The following C16orf46 variants were observed in gnomAD, a reference collection of about 807,000 sequenced individuals.
C16orf46 encodes uncharacterized protein C16orf46.
In C16orf46, 7 loss-of-function variants were observed where a neutral mutation model predicts 5.5. That is an observed-to-expected ratio of 1.28 (90% CI 0.73 to 2.40). The LOEUF is 2.40. Ranked by LOEUF, C16orf46 falls within the 30% of genes most tolerant of loss-of-function variation. The probability of loss-of-function intolerance (pLI) is 0.00; values close to 1 mark genes in which losing one functional copy is unlikely to be tolerated. For missense variants in C16orf46, 614 were observed against 476.0 expected (o/e 1.29, Z -2.70); for synonymous variants, 200 against 184.1 (o/e 1.09, Z -0.70).
At chr16:81,062,768 G>A (rs551015867) in intron 3 of C16orf46, among the ~76,000 whole-genome samples, 1 of 151,702 alleles carries the variant, frequency 6.6e-6, no homozygotes, top group East Asian at 1.9e-4. Context: ...AGGGTTGCCA[G>A]TAAAAATATA....
Position 81,061,521 on chromosome 16 carries a change from G to T in C16orf46, c.828C>A (p.Asn276Lys). ...CTGGGGAAGGGGAGGATGGCGTGTC[G>T]TTGACCATAGGGTGTTTGGCCAGCT... The part of the protein sequence containing the change: ...ASELAKHPMV[N>K]DTPSSPSPAA... Residue 276 changes from asparagine to lysine, a missense_variant, in exon 4 of 4, where the codon AAC becomes AAA. Transcript: ENST00000299578. The T allele has an allele frequency of 6.2e-7, 1 of 1,614,174 alleles. No individual in the cohort carries two copies. The highest frequency in any genetic ancestry group is 8.5e-7 in the Non-Finnish European group (1 of 1,180,036).
At chr16:81,055,021 T>C (rs1971255143) in intron 3 of C16orf46, among the ~76,000 whole-genome samples, 1 of 152,210 alleles carries the variant, frequency 6.6e-6, no homozygotes, top group Non-Finnish European at 1.5e-5. Context: ...GTAAGAACTC[T>C]TCAGAGTTAA....
intron 1 of C16orf46, among the ~76,000 whole-genome samples, chr16:81,070,588 C>T (rs1014213052): frequency 3.9e-5 from 6 of 152,034 alleles, no homozygotes; most frequent in Admixed American, 2.0e-4. Context: ...AACAATTAAC[C>T]GTCTATATGC....
At chr16:81,058,082 G>A (rs1371436926), downstream of C16orf46, 1 of 157,058 alleles carries the variant, frequency 6.4e-6, no homozygotes, top group Non-Finnish European at 1.4e-5. Context: ...AGAAATAACT[G>A]TTCACTATTT....
At chr16:81,058,879 G>C (rs1393621891), downstream of C16orf46, among the ~76,000 whole-genome samples, 2 of 152,148 alleles carry the variant, frequency 1.3e-5, no homozygotes, top group Non-Finnish European at 2.9e-5. Flanking sequence ...TCCCCGACCT[G>C]TGAAATATAG....
chr16:81,064,315 G>A (rs1971583337), intron 2 of C16orf46, among the ~76,000 whole-genome samples: 1 of 149,430 alleles, frequency 6.7e-6, no homozygotes, highest in Admixed American at 6.7e-5. Context: ...AGTGAGCTGA[G>A]ATTGGCCACT....
chr16:81,064,598 T>G (rs1179510353), intron 2 of C16orf46, among the ~76,000 whole-genome samples: 1 of 151,272 alleles, frequency 6.6e-6, no homozygotes, highest in Non-Finnish European at 1.5e-5. Context: ...AAATACAAAA[T>G]TAGCTGGGTG....
downstream of C16orf46, among the ~76,000 whole-genome samples, chr16:81,059,040 A>G (rs2151747090): frequency 6.6e-6 from 1 of 152,262 alleles, no homozygotes; most frequent in South Asian, 2.1e-4. Context: ...ATGTCTGGGA[A>G]GAGGACTTGG....
chr16:81,076,024 C>A (rs960234954), intron 1 of C16orf46, among the ~76,000 whole-genome samples: 4 of 152,158 alleles, frequency 2.6e-5, no homozygotes, highest in African/African-American at 9.7e-5. Context: ...AAATTCCAAC[C>A]AGGGAAAGAT....
chr16:81,056,661 A>C (rs1971304427), downstream of C16orf46, among the ~76,000 whole-genome samples: 1 of 145,800 alleles, frequency 6.9e-6, no homozygotes, highest in Admixed American at 7.0e-5. Flanking sequence ...GCGCCACAGC[A>C]CTCCAGCCTG....
At chr16:81,058,602 T>G (rs1037444828), downstream of C16orf46, among the ~76,000 whole-genome samples, 1 of 152,212 alleles carries the variant, frequency 6.6e-6, no homozygotes, top group African/African-American at 2.4e-5. Flanking sequence ...TCATCAAATA[T>G]CCAAATGCCA....
chr16:81,055,619 TGCAG>T (rs1770489395), intron 3 of C16orf46, among the ~76,000 whole-genome samples: 1 of 152,152 alleles, frequency 6.6e-6, no homozygotes, highest in African/African-American at 2.4e-5. Context: ...GCTTAAACCC[TGCAG>T]GCTAAGGCTG....
At chr16:81,062,176 G>C (rs573382071) in intron 3 of C16orf46, 38 bp from the exon 4 acceptor site, 2 of 1,509,614 alleles carry the variant, frequency 1.3e-6, no homozygotes, top group African/African-American at 2.8e-5. Flanking sequence ...CCAGCTGAGG[G>C]GCCCAAACTG....
At chr16:81,069,189 A>G (rs2151755423) in intron 1 of C16orf46, among the ~76,000 whole-genome samples, 1 of 152,266 alleles carries the variant, frequency 6.6e-6, no homozygotes, top group Middle Eastern at 3.4e-3. Flanking sequence ...TGCAGTGGGT[A>G]CACTTGAATT....
intron 1 of C16orf46, among the ~76,000 whole-genome samples, chr16:81,074,318 T>A (rs186067603): frequency 6.6e-6 from 1 of 152,354 alleles, no homozygotes; most frequent in East Asian, 1.9e-4. Flanking sequence ...TGACTCCTTT[T>A]GATCTGAAAT....
intron 1 of C16orf46, among the ~76,000 whole-genome samples, chr16:81,075,554 C>A (rs1267707724): frequency 6.6e-6 from 1 of 152,214 alleles, no homozygotes; most frequent in East Asian, 1.9e-4. Flanking sequence ...TGCACCACTA[C>A]ACTCCAACCT....
chr16:81,069,447 G>C (rs1281077766), intron 1 of C16orf46, among the ~76,000 whole-genome samples: 1 of 152,232 alleles, frequency 6.6e-6, no homozygotes, highest in Non-Finnish European at 1.5e-5. Context: ...TGCAGAGTGT[G>C]ATGGCAAACA....
chr16:81,070,919 G>A (rs1378101880), intron 1 of C16orf46, among the ~76,000 whole-genome samples: 1 of 152,004 alleles, frequency 6.6e-6, no homozygotes, highest in African/African-American at 2.4e-5. Flanking sequence ...TCAGCCTTTG[G>A]GGTCAGCCCA....
At chr16:81,057,103 C>T (rs1383470154), downstream of C16orf46, among the ~76,000 whole-genome samples, 1 of 152,008 alleles carries the variant, frequency 6.6e-6, no homozygotes, top group Non-Finnish European at 1.5e-5. Flanking sequence ...ACATACAGGC[C>T]CATCACAAAG....
Sources: allele counts gnomAD v4.1 joint callset (sites outside exome capture counted in the v4.1 genomes callset), GRCh38; gene constraint gnomAD v4.1.1; transcripts MANE v1.5; gene names NCBI Gene and HGNC (gene_info 2026-07-23, HGNC 2026-07-21).